Variants in LAMP1 observed in about 807,000 individuals in gnomAD.
LAMP1 encodes lysosome associated membrane protein 1.
Under a neutral mutation model 37.5 loss-of-function variants are expected in LAMP1, and 7 were observed. The ratio of observed to expected loss-of-function variants is 0.19; its 90% confidence interval spans 0.11 to 0.35. LAMP1 has a LOEUF of 0.35. Ranked by LOEUF, LAMP1 falls within the 10% of genes least tolerant of loss-of-function variation. The probability of loss-of-function intolerance (pLI) is 1.00; values close to 1 mark genes in which losing one functional copy is unlikely to be tolerated. For missense variants in LAMP1, 537 were observed against 552.8 expected, an observed-to-expected ratio of 0.97 and a Z score of 0.29; for synonymous variants, 236 against 229.1, an observed-to-expected ratio of 1.03 and a Z score of -0.27.
chr13:113,320,575 C>A lies in LAMP1; in HGVS notation c.876+105C>A. The A allele has an allele frequency of 1.5e-6, 2 of 1,298,720 alleles. No homozygotes were observed. The highest frequency in any genetic ancestry group is 2.1e-6 in the Non-Finnish European group (2 of 953,980). 80.4% of individuals were successfully genotyped at this position (1,298,720 alleles called of 1,614,324 possible). ...GAGGCAGCGTTAGGAAGGAGGCGGCCTCACTTTTTTCTGCCTTCCCTTTAT... is the reference window on the plus strand; with the variant it reads ...GAGGCAGCGTTAGGAAGGAGGCGGCATCACTTTTTTCTGCCTTCCCTTTAT... On this transcript the variant is annotated intron_variant, in intron 6 of 8. Transcript: ENST00000332556. This position sits in a 1 kb window ranked among gnomAD's most constrained non-coding sequence, Gnocchi z 4.4.
chr13:113,304,629 G>C (rs1045659632), intron 1 of LAMP1, among the ~76,000 whole-genome samples: 10 of 151,588 alleles, frequency 6.6e-5, no homozygotes, highest in African/African-American at 2.4e-4. Flanking sequence ...GCCCTACTTT[G>C]TTTCATTGTC....
chr13:113,320,834 C>T lies in LAMP1; in HGVS notation c.876+364C>T, dbSNP rs1397586263. 4.0e-6 allele frequency: 1 copy of T among 251,942 alleles called. No individual in the cohort carries two copies. Among genetic ancestry groups the T allele is most frequent in the Non-Finnish European group, 7.7e-6 (1 of 130,302 alleles). The allele number at this position is 251,942 out of a possible 1,614,324, so 15.6% of individuals were successfully genotyped here. On this transcript the variant is annotated intron_variant, in intron 6 of 8. Transcript: ENST00000332556. This position sits in a 1 kb window ranked among gnomAD's most constrained non-coding sequence, Gnocchi z 4.4. ...CATAAGACATGAAGCATATAATTGTCACTTGTCAGTCTTTTTAAATCGCTG... is the reference window on the plus strand; with the variant it reads ...CATAAGACATGAAGCATATAATTGTTACTTGTCAGTCTTTTTAAATCGCTG...
Position 113,321,334 on chromosome 13 carries a change from A to T in LAMP1, c.877-70A>T. Reference sequence around the variant, plus strand: ...ATTCACGTTTGATGATAAATGTGTGAATCTACTGGGGTTAAAGATCATCTT... The same window carrying T: ...ATTCACGTTTGATGATAAATGTGTGTATCTACTGGGGTTAAAGATCATCTT... On this transcript the variant is annotated intron_variant, in intron 6 of 8. Coordinates refer to ENST00000332556, the MANE Select transcript of LAMP1 (RefSeq NM_005561.4). This position sits in a 1 kb window ranked among gnomAD's most constrained non-coding sequence, Gnocchi z 5.6. The T allele has an allele frequency of 8.2e-7, 1 of 1,223,836 alleles. No individual in the cohort carries two copies. The highest frequency in any genetic ancestry group is 1.2e-6 in the Non-Finnish European group (1 of 824,344). 75.8% of individuals were successfully genotyped at this position (1,223,836 alleles called of 1,614,324 possible).
chr13:113,310,995 C>T (rs1196641835), intron 4 of LAMP1, 128 bp downstream of exon 4: 4 of 700,924 alleles, frequency 5.7e-6, no homozygotes, highest in Middle Eastern at 3.8e-4. Context: ...ACACAGCCGG[C>T]GACGTCTCTG....
intron 4 of LAMP1, among the ~76,000 whole-genome samples, chr13:113,311,280 C>G (rs2042629789): frequency 6.6e-6 from 1 of 152,136 alleles, no homozygotes; most frequent in African/African-American, 2.4e-5. Context: ...ATAATGTATT[C>G]TGGCTTGAAT....
intron 3 of LAMP1, among the ~76,000 whole-genome samples, chr13:113,310,188 C>T (rs1375828229): frequency 6.6e-6 from 1 of 151,722 alleles, no homozygotes; most frequent in African/African-American, 2.4e-5. Flanking sequence ...GAGATGGTGC[C>T]ACTGCACTCC....
intron 2 of LAMP1, among the ~76,000 whole-genome samples, chr13:113,309,262 G>A (rs1180447629): frequency 6.6e-6 from 1 of 151,918 alleles, no homozygotes; most frequent in African/African-American, 2.4e-5. Flanking sequence ...CACCATGTCT[G>A]ATTAGTTTAT....
intron 2 of LAMP1, among the ~76,000 whole-genome samples, chr13:113,308,871 T>G (rs996384978): frequency 6.6e-6 from 1 of 152,314 alleles, no homozygotes; most frequent in Non-Finnish European, 1.5e-5. Context: ...TGATGAACAT[T>G]AAGTGGTTTT....
rs2042708160 is a variant in LAMP1, at chr13:113,322,492, G to A, written c.*71G>A. The A allele has an allele frequency of 4.2e-6, 6 of 1,444,388 alleles. No individual in the cohort carries two copies. Among genetic ancestry groups the A allele is most frequent in the Non-Finnish European group, 5.6e-6 (6 of 1,071,964 alleles). 89.5% of individuals were successfully genotyped at this position (1,444,388 alleles called of 1,614,324 possible). On this transcript the variant is annotated 3_prime_UTR_variant, in exon 9 of 9. Transcript: ENST00000332556. ...CTCTGGGCTTAGGGTCCTGTCGAAG[G>A]GGAGGCACACTTTCTGGCAAACGTT...
chr13:113,301,934 C>T (rs1485970636), intron 1 of LAMP1, among the ~76,000 whole-genome samples: 19 of 143,770 alleles, frequency 1.3e-4, no homozygotes, highest in Admixed American at 3.6e-4. Context: ...GCGATCTCGG[C>T]TCACTGCAAG....
At chr13:113,308,819 A>G (rs1421542900) in intron 2 of LAMP1, among the ~76,000 whole-genome samples, 1 of 152,102 alleles carries the variant, frequency 6.6e-6, no homozygotes, top group Admixed American at 6.6e-5. Context: ...CCACGTTAGT[A>G]TACTGCTTCA....
chr13:113,301,854 A>ATTTTTTTTTT (rs1595456796), intron 1 of LAMP1, among the ~76,000 whole-genome samples: 4 of 108,554 alleles, frequency 3.7e-5, no homozygotes, highest in East Asian at 3.1e-4. Flanking sequence ...CTAAGATGTG[A>ATTTTTTTTTT]TTTCTTTTTT....
In LAMP1 at chr13:113,306,609, A is replaced by G; in HGVS notation, c.183+3A>G. The G allele has an allele frequency of 6.2e-7, 1 of 1,612,222 alleles. No individual in the cohort carries two copies. ...ACGACACCAAGAGTGGCCCTAAGGT[A>G]GGAAACACCAGGGCACTTCATGCTT... is the stretch of plus-strand genomic sequence containing the variant. On this transcript the variant is annotated splice_donor_region_variant and intron_variant, in intron 2 of 8. Coordinates refer to ENST00000332556, the MANE Select transcript of LAMP1 (RefSeq NM_005561.4).
At chr13:113,314,285 T>C (rs1338112901) in intron 4 of LAMP1, among the ~76,000 whole-genome samples, 2 of 122,974 alleles carry the variant, frequency 1.6e-5, no homozygotes, top group African/African-American at 3.4e-5. Context: ...GGAGTCAGTG[T>C]GGAGATGTCG....
In LAMP1 at chr13:113,321,984, C is replaced by A. The variant is rs142167968; in HGVS notation, c.1114+257C>A. The A allele has an allele frequency of 1.8e-4, 105 of 589,004 alleles. 1 individual carries two copies. The East Asian group carries it at 2.5e-3, about 14-fold the overall frequency. 36.5% of individuals were successfully genotyped at this position (589,004 alleles called of 1,614,324 possible). ...TTAAGAAACAGTGGTGGCGCTTCTC[C>A]CATGAACGTTGAATACAACACTGTC... On this transcript the variant is annotated intron_variant, in intron 8 of 8. Coordinates refer to ENST00000332556, the MANE Select transcript of LAMP1 (RefSeq NM_005561.4). The surrounding 1 kb of genome is among the most constrained non-coding windows in gnomAD (Gnocchi z 5.6).
rs1227039777 is a variant in LAMP1 at position 113,323,163 on chromosome 13, T to C, written c.*742T>C. The C allele has an allele frequency of 6.6e-6, 1 of 152,206 alleles. No individual in the cohort carries two copies. The highest frequency in any genetic ancestry group is 2.4e-5 in the African/African-American group (1 of 41,446). 9.4% of individuals were successfully genotyped at this position (152,206 alleles called of 1,614,324 possible). A position where few individuals can be genotyped will look rare whatever the true frequency, so the allele number is the denominator to read the frequency against. Reference sequence around the variant, plus strand: ...CACGTGGCTGGCGGCCTCGTTCCAGTGGCGGCACGTCCTTGGGCGTCTCTA... The same window carrying C: ...CACGTGGCTGGCGGCCTCGTTCCAGCGGCGGCACGTCCTTGGGCGTCTCTA... On this transcript the variant is annotated 3_prime_UTR_variant, in exon 9 of 9. Coordinates refer to ENST00000332556, the MANE Select transcript of LAMP1 (RefSeq NM_005561.4).
chr13:113,306,733 T>C, intron 2 of LAMP1, 127 bp downstream of exon 2: 1 of 1,049,876 alleles, frequency 9.5e-7, no homozygotes, highest in Non-Finnish European at 1.4e-6. Context: ...CATATCTCCT[T>C]CTGGTGTTGT....
At position 113,321,341 on chromosome 13, in the gene LAMP1, T is replaced by C; in HGVS notation, c.877-63T>C. On this transcript the variant is annotated intron_variant, in intron 6 of 8. Transcript: ENST00000332556. This position sits in a 1 kb window ranked among gnomAD's most constrained non-coding sequence, Gnocchi z 5.6. The stretch of plus-strand genomic sequence containing the variant: ...TTTGATGATAAATGTGTGAATCTAC[T>C]GGGGTTAAAGATCATCTTTCTATGA... 1 of 1,281,274 alleles carries C rather than the reference T, an allele frequency of 7.8e-7. No homozygotes were observed. The highest frequency in any genetic ancestry group is 1.1e-6 in the Non-Finnish European group (1 of 876,488). 79.4% of individuals were successfully genotyped at this position (1,281,274 alleles called of 1,614,324 possible). A position where few individuals can be genotyped will look rare whatever the true frequency, so the allele number is the denominator to read the frequency against.
At position 113,322,377 on chromosome 13, in the gene LAMP1, C is replaced by CAT; in HGVS notation, c.1210_1211insAT (p.Leu404HisfsTer69). 1 of 1,605,204 alleles carries CAT rather than the reference C, an allele frequency of 6.2e-7. No individual in the cohort carries two copies. Among genetic ancestry groups the CAT allele is most frequent in the South Asian group, 1.1e-5 (1 of 89,920 alleles). ...GGTCCTCATCGTCCTCATCGCCTAC[C>CAT]TCGTCGGCAGGAAGAGGAGTCACGC... On this transcript the variant is annotated frameshift_variant, in exon 9 of 9. Transcript: ENST00000332556. LOFTEE classifies it high-confidence loss of function.
Sources: gnomAD v4.1 joint callset for allele counts (sites outside exome capture counted in the v4.1 genomes callset) on GRCh38, gnomAD v4.1.1 for gene constraint, Gnocchi (gnomAD v3.1) non-coding constraint, MANE v1.5 for transcripts, NCBI Gene and HGNC (gene_info 2026-07-23, HGNC 2026-07-21) for gene names.